The following SPEF2 variants were observed in gnomAD, a reference collection of about 807,000 sequenced individuals.
SPEF2 encodes the protein sperm flagellar and cilia associated 2, also known as sperm flagella and cilia-associated protein 2.
In SPEF2, 187 loss-of-function variants were observed where a neutral mutation model predicts 224.6. The observed-to-expected ratio is 0.83, with a 90% CI of 0.74 to 0.94. SPEF2 has a LOEUF of 0.94. Ranked by LOEUF, SPEF2 falls within the 40% of genes least tolerant of loss-of-function variation. The pLI, the probability that SPEF2 is intolerant of heterozygous loss-of-function variation, is 0.00. For missense variants in SPEF2, 2,170 were observed against 2,135.6 expected, an observed-to-expected ratio of 1.02 and a Z score of -0.32; for synonymous variants, 715 against 707.3, an observed-to-expected ratio of 1.01 and a Z score of -0.17.
chr5:35,670,837 T>A, intron 10 of SPEF2: 1 of 982,596 alleles, frequency 1.0e-6, no homozygotes. Context: ...GGCTAATAGA[T>A]TTCCATTTTT....
At chr5:35,628,401 C>G in intron 1 of SPEF2, 59 bp from the exon 2 acceptor site, 1 of 1,105,752 alleles carries the variant, frequency 9.0e-7, no homozygotes, top group Non-Finnish European at 1.4e-6. Flanking sequence ...TTAAAGAGAT[C>G]ATTAGCTCTA....
At chr5:35,721,779 C>T (rs1197224497) in intron 20 of SPEF2, among the ~76,000 whole-genome samples, 1 of 152,068 alleles carries the variant, frequency 6.6e-6, no homozygotes. Context: ...TGGGTGGGGT[C>T]CTTTAAGAGA....
chr5:35,710,622 T>A, intron 19 of SPEF2: 1 of 985,092 alleles, frequency 1.0e-6, no homozygotes, highest in South Asian at 4.7e-5. Flanking sequence ...GAGCCTAGAA[T>A]TATCGAATAT....
intron 20 of SPEF2, among the ~76,000 whole-genome samples, chr5:35,716,214 A>G (rs1241213244): frequency 6.6e-6 from 1 of 152,012 alleles, no homozygotes; most frequent in Admixed American, 6.6e-5. Flanking sequence ...ATTATATGAT[A>G]TGTTGGGTTT....
At chr5:35,709,785 T>A (rs1371008051) in intron 19 of SPEF2, 1 of 985,244 alleles carries the variant, frequency 1.0e-6, no homozygotes, top group African/African-American at 1.7e-5. Context: ...AGTGCTTAAT[T>A]GTTGTAATGC....
chr5:35,807,712 G>T, intron 36 of SPEF2: 2 of 1,536,068 alleles, frequency 1.3e-6, no homozygotes, highest in Non-Finnish European at 1.7e-6. Context: ...GGAAAACAGT[G>T]TGCAAGATGG....
At chr5:35,708,403 C>T (rs1249494826) in intron 18 of SPEF2, among the ~76,000 whole-genome samples, 3 of 151,986 alleles carry the variant, frequency 2.0e-5, no homozygotes, top group Non-Finnish European at 4.4e-5. Flanking sequence ...TTCAAACAAT[C>T]TTTTATTTTT....
chr5:35,660,671 A>G (rs1217922428), intron 8 of SPEF2, among the ~76,000 whole-genome samples: 3 of 152,314 alleles, frequency 2.0e-5, no homozygotes, highest in East Asian at 1.9e-4. Flanking sequence ...TTCTTTGGCA[A>G]CAATAGACTT....
Position 35,647,913 on chromosome 5 carries a change from G to A in SPEF2, c.726+1106G>A, listed in dbSNP as rs550121818. Among the ~76,000 whole-genome samples the A allele has an allele frequency of 3.3e-5, 5 of 152,176 alleles. No individual in the cohort carries two copies. In the South Asian group the frequency reaches 1.0e-3, roughly 32 times the overall value. On this transcript the variant is annotated intron_variant, in intron 5 of 36. Coordinates refer to ENST00000356031, the MANE Select transcript of SPEF2 (RefSeq NM_024867.4). ...GGCAATCTCATTATATTTCACAGGAGAGCAATGTTACAGTTCAGTTTGATA... is the reference window on the plus strand; with the variant it reads ...GGCAATCTCATTATATTTCACAGGAAAGCAATGTTACAGTTCAGTTTGATA...
At chr5:35,665,981 G>A (rs1414448629) in intron 8 of SPEF2, among the ~76,000 whole-genome samples, 2 of 152,142 alleles carry the variant, frequency 1.3e-5, no homozygotes, top group Non-Finnish European at 2.9e-5. Context: ...TTTATGAATA[G>A]TATCATAATA....
At position 35,740,140 on chromosome 5, in the gene SPEF2, A is replaced by T. The variant is rs771483732; in HGVS notation, c.3203A>T (p.Gln1068Leu). 1.1e-5 allele frequency: 17 copies of T among 1,614,058 alleles called. No homozygotes were observed. In the Admixed American group the frequency reaches 1.2e-4, roughly 11 times the overall value. The change falls in exon 23 of 37, where the codon CAG (glutamine) becomes CTG (leucine). Residue 1068 changes from glutamine to leucine, a missense_variant. By Grantham distance (113) the Gln-to-Leu change is moderately radical (BLOSUM62 -2). Coordinates refer to ENST00000356031, the MANE Select transcript of SPEF2 (RefSeq NM_024867.4). ...ATTAATGTCTACAGAACAAGTTTCC[A>T]GGAGTTTCTAAAGCGTCCGGATCAC... ...AYLYEIRTSF[Q>L]EFLKRPDHKQ...
At chr5:35,736,468 A>AGTGTGTGTGTGTGT (rs139387194) in intron 21 of SPEF2, among the ~76,000 whole-genome samples, 8 of 149,132 alleles carry the variant, frequency 5.4e-5, no homozygotes, top group African/African-American at 2.0e-4. Flanking sequence ...CAAGTGACAG[A>AGTGTGTGTGTGTGT]GTGTGTGTGT....
chr5:35,624,420 C>T (rs1209392692), intron 1 of SPEF2, among the ~76,000 whole-genome samples: 1 of 152,112 alleles, frequency 6.6e-6, no homozygotes, highest in Non-Finnish European at 1.5e-5. Context: ...GCCTCTTTTT[C>T]CCCCTACAAA....
chr5:35,779,379 A>C, intron 30 of SPEF2, 33 bp downstream of exon 30: 1 of 1,526,714 alleles, frequency 6.6e-7, no homozygotes, highest in Non-Finnish European at 8.9e-7. Flanking sequence ...AAAGAGCACA[A>C]AAAAAGGTTA....
intron 10 of SPEF2, chr5:35,670,446 T>G: frequency 1.7e-6 from 2 of 1,177,002 alleles, no homozygotes; most frequent in Non-Finnish European, 2.1e-6. Context: ...GGGAGTGGTC[T>G]GAAAAAACAT....
At chr5:35,656,722 G>A (rs552665447) in intron 7 of SPEF2, among the ~76,000 whole-genome samples, 2 of 152,262 alleles carry the variant, frequency 1.3e-5, no homozygotes, top group Admixed American at 1.3e-4. Context: ...TATTAACACT[G>A]ACTTTTCAAA....
intron 8 of SPEF2, 22 bp downstream of exon 8, chr5:35,659,229 A>G: frequency 6.4e-7 from 1 of 1,562,750 alleles, no homozygotes; most frequent in Non-Finnish European, 8.7e-7. Context: ...CTTCCTTAGA[A>G]ATCTTTCTAA....
intron 33 of SPEF2, among the ~76,000 whole-genome samples, chr5:35,799,021 G>A (rs1266324513): frequency 6.6e-6 from 1 of 152,082 alleles, no homozygotes; most frequent in East Asian, 1.9e-4. Flanking sequence ...AGGGTTTTTG[G>A]TAACAAATAA....
intron 35 of SPEF2, 36 bp from the exon 36 acceptor site, chr5:35,807,095 G>T (rs1230692629): frequency 2.5e-6 from 4 of 1,595,490 alleles, no homozygotes; most frequent in Non-Finnish European, 3.4e-6. Context: ...ACTGGATTGT[G>T]AGGTTGATTA....
Sources: gnomAD v4.1 joint callset for allele counts (sites outside exome capture counted in the v4.1 genomes callset) on GRCh38, gnomAD v4.1.1 for gene constraint, MANE v1.5 for transcripts, NCBI Gene and HGNC (gene_info 2026-07-23, HGNC 2026-07-21) for gene names.